HSPA4L: variants seen among roughly 807,000 people sequenced by gnomAD.
The protein encoded by HSPA4L is heat shock 70 kDa protein 4L.
Under a neutral mutation model 100.3 loss-of-function variants are expected in HSPA4L, and 48 were observed. That is an observed-to-expected ratio of 0.48 (90% confidence interval 0.38 to 0.61). The LOEUF (loss-of-function observed/expected upper bound fraction) is 0.61. Among genes scored for constraint, HSPA4L ranks in the 20% least tolerant of loss-of-function variants. The pLI, the probability that HSPA4L is intolerant of heterozygous loss-of-function variation, is 0.00. For missense variants in HSPA4L, 886 were observed against 988.6 expected, an observed-to-expected ratio of 0.90 and a Z score of 1.39; for synonymous variants, 319 against 328.2, an observed-to-expected ratio of 0.97 and a Z score of 0.30.
At chr4:127,785,900 TC>T (rs1578685526) in intron 1 of HSPA4L, among the ~76,000 whole-genome samples, 2 of 152,228 alleles carry the variant, frequency 1.3e-5, no homozygotes, top group Non-Finnish European at 2.9e-5. Flanking sequence ...AAATTTTTGA[TC>T]CTTCAAGTAA....
intron 16 of HSPA4L, 91 bp from the exon 17 acceptor site, chr4:127,827,214 T>G (rs759963950): frequency 7.0e-5 from 72 of 1,035,640 alleles, no homozygotes; most frequent in Non-Finnish European, 9.6e-5. Flanking sequence ...GTCCATCTTT[T>G]CTTCCTATTT....
chr4:127,805,624 CAG>C (rs749140580), intron 9 of HSPA4L, 61 bp from the exon 10 acceptor site: 125 of 1,230,656 alleles, frequency 1.0e-4, no homozygotes, highest in Non-Finnish European at 1.4e-4. Context: ...GCAGTTCAAT[CAG>C]AGTAACCTAG....
intron 4 of HSPA4L, 150 bp downstream of exon 4, chr4:127,798,859 A>G (rs1307765127): frequency 2.9e-6 from 2 of 680,904 alleles, no homozygotes; most frequent in Non-Finnish European, 4.6e-6. Flanking sequence ...AAACTGCCTT[A>G]TTTGCTAAAG....
chr4:127,816,706 A>G (rs1733678587), intron 12 of HSPA4L, among the ~76,000 whole-genome samples: 1 of 152,260 alleles, frequency 6.6e-6, no homozygotes, highest in Non-Finnish European at 1.5e-5. Flanking sequence ...ATGCTGGGTC[A>G]TTTATACTCC....
chr4:127,832,844 T>C lies in HSPA4L; in HGVS notation c.2490T>C (p.Thr830=). ...SDSTKDSSQH[T]KSSGEMEVD The stretch of plus-strand genomic sequence containing the variant: ...CAACAAAAGACAGCTCACAGCATAC[T>C]AAATCCTCTGGAGAGATGGAAGTGG... Residue 830 remains threonine (T), a synonymous_variant, in exon 19 of 19, where the codon ACT becomes ACC. Coordinates refer to ENST00000296464, the MANE Select transcript of HSPA4L (RefSeq NM_014278.4). 6.2e-7 allele frequency: 1 copy of C among 1,610,776 alleles called. No homozygotes were observed. The highest frequency in any genetic ancestry group is 8.5e-7 in the Non-Finnish European group (1 of 1,178,596).
chr4:127,830,387 G>A (rs1734048982), intron 17 of HSPA4L, among the ~76,000 whole-genome samples: 4 of 152,054 alleles, frequency 2.6e-5, no homozygotes, highest in Admixed American at 1.3e-4. Flanking sequence ...CTTTCTCCAT[G>A]AGTATTCCTT....
chr4:127,796,578 A>G (rs888931167), intron 3 of HSPA4L, among the ~76,000 whole-genome samples: 1 of 152,164 alleles, frequency 6.6e-6, no homozygotes, highest in African/African-American at 2.4e-5. Context: ...GTTTCTATCA[A>G]CTGATGAGTA....
At chr4:127,823,660 G>A (rs769412461) in intron 16 of HSPA4L, 36 bp downstream of exon 16, 22 of 1,359,828 alleles carry the variant, frequency 1.6e-5, no homozygotes, top group South Asian at 8.7e-5. Flanking sequence ...GTATAAACCA[G>A]TAACTTTTTC....
intron 6 of HSPA4L, among the ~76,000 whole-genome samples, chr4:127,802,929 G>A (rs911355247): frequency 4.6e-5 from 7 of 152,082 alleles, no homozygotes; most frequent in African/African-American, 1.7e-4. Context: ...CACCCCAACA[G>A]TAGGATTCTT....
intron 12 of HSPA4L, among the ~76,000 whole-genome samples, chr4:127,817,783 CTT>C (rs572626878): frequency 6.6e-6 from 1 of 151,994 alleles, no homozygotes; most frequent in Non-Finnish European, 1.5e-5. Context: ...GATTTTGTAT[CTT>C]TTTCATTTTA....
chr4:127,821,809 G>C (rs747564592), intron 14 of HSPA4L, among the ~76,000 whole-genome samples: 19 of 152,112 alleles, frequency 1.2e-4, no homozygotes, highest in Non-Finnish European at 2.6e-4. Flanking sequence ...CTATGAGTTA[G>C]ATGGAATTAT....
chr4:127,808,270 G>A (rs1378658697), intron 11 of HSPA4L, 141 bp downstream of exon 11: 1 of 702,386 alleles, frequency 1.4e-6, no homozygotes, highest in East Asian at 2.9e-5. Context: ...TTCTAGAAAT[G>A]TGCATTTGTA....
chr4:127,815,412 A>G (rs1165701764), intron 12 of HSPA4L, among the ~76,000 whole-genome samples: 1 of 151,882 alleles, frequency 6.6e-6, no homozygotes, highest in Non-Finnish European at 1.5e-5. Context: ...AGCCCCGGGT[A>G]CTTTGGTTTG....
intron 11 of HSPA4L, among the ~76,000 whole-genome samples, chr4:127,810,051 A>G (rs955383249): frequency 6.6e-6 from 1 of 152,018 alleles, no homozygotes; most frequent in Non-Finnish European, 1.5e-5. Context: ...ACCATCTTCT[A>G]TAAACATATT....
rs1348341766 is a variant in HSPA4L, at chr4:127,838,628, G to A, written c.*5754G>A. The A allele has an allele frequency of 6.6e-6, 1 of 152,142 alleles. No homozygotes were observed. Among genetic ancestry groups the A allele is most frequent in the African/African-American group, 2.4e-5 (1 of 41,442 alleles). 9.4% of individuals were successfully genotyped at this position (152,142 alleles called of 1,614,324 possible). On this transcript the variant is annotated 3_prime_UTR_variant, in exon 19 of 19. Transcript: ENST00000296464. ...TTACCTATCCTGTAAAAAGACTGGTGAAATTCAACATGTTTTAAATAATTT... is the reference window on the plus strand; with the variant it reads ...TTACCTATCCTGTAAAAAGACTGGTAAAATTCAACATGTTTTAAATAATTT...
chr4:127,821,438 ATG>A (rs1733811354), intron 14 of HSPA4L, among the ~76,000 whole-genome samples: 1 of 152,178 alleles, frequency 6.6e-6, no homozygotes, highest in South Asian at 2.1e-4. Flanking sequence ...TAACGTTTAC[ATG>A]TGTTTTTATT....
Position 127,798,652 on chromosome 4 carries a change from G to C in HSPA4L, c.372G>C (p.Lys124Asn). The change falls in exon 4 of 19, where the codon AAG (lysine) becomes AAC (asparagine). Residue 124 changes from lysine (K) to asparagine (N), a missense_variant. Coordinates refer to ENST00000296464, the MANE Select transcript of HSPA4L (RefSeq NM_014278.4). Reference sequence around the variant, plus strand: ...AAGTTACTGGAATGCTGTTAGCCAAGCTTAAAGAGACTTCAGAAAATGCTT... The same window carrying C: ...AAGTTACTGGAATGCTGTTAGCCAACCTTAAAGAGACTTCAGAAAATGCTT... ...IEQVTGMLLA[K>N]LKETSENALK... 1 of 1,613,776 alleles carries C rather than the reference G, an allele frequency of 6.2e-7. No individual in the cohort carries two copies. Among genetic ancestry groups the C allele is most frequent in the Non-Finnish European group, 8.5e-7 (1 of 1,179,804 alleles).
At position 127,803,832 on chromosome 4, in the gene HSPA4L, G is replaced by A. The variant is rs752701096; in HGVS notation, c.867G>A (p.Glu289=). The A allele has an allele frequency of 8.1e-6, 13 of 1,613,836 alleles. No individual in the cohort carries two copies. Among genetic ancestry groups the A allele is most frequent in the Admixed American group, 1.7e-5 (1 of 60,006 alleles). The change falls in exon 7 of 19, where the codon GAG becomes GAA. Residue 289 remains glutamate (E), a synonymous_variant. Coordinates refer to ENST00000296464, the MANE Select transcript of HSPA4L (RefSeq NM_014278.4). ...CATCAGATCTTCCATTGAACATTGAGTGTTTCATGAATGACCTTGATGTTT... is the reference window on the plus strand; with the variant it reads ...CATCAGATCTTCCATTGAACATTGAATGTTTCATGAATGACCTTGATGTTT... ...ANASDLPLNI[E]CFMNDLDVSS...
chr4:127,782,942 C>G (rs937397955), intron 1 of HSPA4L, among the ~76,000 whole-genome samples: 10 of 152,140 alleles, frequency 6.6e-5, no homozygotes, highest in African/African-American at 2.4e-4. Flanking sequence ...CCGCTGTCCC[C>G]CAACGCCTCT....
Sources: allele counts gnomAD v4.1 joint callset (sites outside exome capture counted in the v4.1 genomes callset), GRCh38; gene constraint gnomAD v4.1.1; transcripts MANE v1.5; gene names NCBI Gene and HGNC (gene_info 2026-07-23, HGNC 2026-07-21).